Variants in ZNF280D observed in about 807,000 individuals in gnomAD.
ZNF280D encodes the protein zinc finger protein 280D.
ZNF280D carries 39 observed loss-of-function variants against 94.7 expected under a neutral mutation model. That is an observed-to-expected ratio of 0.41 (90% CI 0.32 to 0.54). The LOEUF is 0.54. Ranked by LOEUF, ZNF280D falls within the 20% of genes least tolerant of loss-of-function variation. The probability of loss-of-function intolerance (pLI) is 0.22; values close to 1 mark genes in which losing one functional copy is unlikely to be tolerated. For missense variants in ZNF280D, 1,090 were observed against 1,149.3 expected, an observed-to-expected ratio of 0.95 and a Z score of 0.75; for synonymous variants, 398 against 377.6, an observed-to-expected ratio of 1.05 and a Z score of -0.63.
intron 1 of ZNF280D, among the ~76,000 whole-genome samples, chr15:56,712,172 A>G (rs946509859): frequency 1.3e-5 from 2 of 152,202 alleles, no homozygotes; most frequent in Non-Finnish European, 2.9e-5. Context: ...CTTTTTAAAA[A>G]AGCATTTCTA....
intron 12 of ZNF280D, 133 bp downstream of exon 12, chr15:56,677,441 A>C: frequency 3.4e-6 from 2 of 583,460 alleles, no homozygotes; most frequent in South Asian, 1.7e-5. Context: ...CTTGCTGCCT[A>C]TCCCTCATAT....
chr15:56,647,419 T>A (rs551784835), intron 19 of ZNF280D, among the ~76,000 whole-genome samples: 45 of 152,114 alleles, frequency 3.0e-4, no homozygotes, highest in Non-Finnish European at 5.1e-4. Flanking sequence ...ATAAATTCAG[T>A]TTTGGACATA....
In ZNF280D at chr15:56,631,671, G is replaced by C; in HGVS notation, c.2767C>G (p.Pro923Ala). The change falls in exon 22 of 22, where the codon CCA (proline) becomes GCA (alanine). Residue 923 changes from proline (P) to alanine (A), a missense_variant. This residue lies in a region of ZNF280D where 577 missense variants were observed against 568.8 expected (regional missense o/e 1.01). Coordinates refer to ENST00000267807, the MANE Select transcript of ZNF280D (RefSeq NM_017661.4). Reference protein sequence around the residue: ...QGSIHLEPLTPSEVLEYEATE... With the variant: ...QGSIHLEPLTASEVLEYEATE... The stretch of plus-strand genomic sequence containing the variant: ...GCTTCATACTCAAGTACCTCGGATG[G>C]AGTCAGAGGTTCCAAATGAATACTG... 5 of 1,614,094 alleles carry C rather than the reference G, an allele frequency of 3.1e-6. No individual in the cohort carries two copies. Among genetic ancestry groups the C allele is most frequent in the South Asian group, 2.2e-5 (2 of 91,076 alleles).
At chr15:56,726,239 G>C (rs2141468154) in intron 1 of ZNF280D, among the ~76,000 whole-genome samples, 1 of 151,872 alleles carries the variant, frequency 6.6e-6, no homozygotes, top group Non-Finnish European at 1.5e-5. Flanking sequence ...TATGGAAGTA[G>C]AAGAGGCAGG....
chr15:56,688,239 T>A (rs2056166446), intron 9 of ZNF280D, among the ~76,000 whole-genome samples: 1 of 152,104 alleles, frequency 6.6e-6, no homozygotes, highest in Non-Finnish European at 1.5e-5. Context: ...AATTCTGTAA[T>A]CCCAGCACTT....
At chr15:56,707,939 A>T (rs2057515203) in intron 1 of ZNF280D, among the ~76,000 whole-genome samples, 2 of 152,016 alleles carry the variant, frequency 1.3e-5, no homozygotes, top group African/African-American at 4.8e-5. Flanking sequence ...CTGTTAGAAT[A>T]AACATTTTTT....
rs767737203 is a variant in ZNF280D, at chr15:56,676,765, T to C, written c.1315A>G (p.Thr439Ala). The change falls in exon 13 of 22, where the codon ACA becomes GCA. Residue 439 changes from threonine to alanine, a missense_variant. Physicochemically the swap from Thr to Ala is moderately conservative, Grantham distance 58. Coordinates refer to ENST00000267807, the MANE Select transcript of ZNF280D (RefSeq NM_017661.4). ...AAGTTCTTAGTGTTTTCATGGGATG[T>C]TCTAAAATGAGTTTCTACATCAGAA... ...SFSDVETHFR[T>A]SHENTKNLLC... 213 of 1,609,336 alleles carry C rather than the reference T, an allele frequency of 1.3e-4. No homozygotes were observed. The highest frequency in any genetic ancestry group is 1.7e-4 in the Non-Finnish European group (196 of 1,177,304).
chr15:56,700,228 C>T, intron 6 of ZNF280D: 3 of 942,296 alleles, frequency 3.2e-6, no homozygotes, highest in Non-Finnish European at 3.8e-6. Flanking sequence ...TACATATAAA[C>T]TATGGGTTAG....
At chr15:56,671,138 G>A (rs1465967742) in intron 13 of ZNF280D, among the ~76,000 whole-genome samples, 2 of 152,018 alleles carry the variant, frequency 1.3e-5, no homozygotes, top group Non-Finnish European at 2.9e-5. Context: ...TGCTTACTTT[G>A]TTGACAGTTT....
At chr15:56,647,787 T>G (rs992753099) in intron 19 of ZNF280D, among the ~76,000 whole-genome samples, 5 of 152,178 alleles carry the variant, frequency 3.3e-5, no homozygotes, top group Non-Finnish European at 1.5e-5. Flanking sequence ...TGTCTTGGCC[T>G]CCCAAAGTGC....
intron 1 of ZNF280D, among the ~76,000 whole-genome samples, chr15:56,722,509 C>T (rs1451219263): frequency 6.6e-6 from 1 of 152,144 alleles, no homozygotes; most frequent in African/African-American, 2.4e-5. Context: ...GCAGGAACAA[C>T]CCAAATGTTC....
intron 19 of ZNF280D, among the ~76,000 whole-genome samples, chr15:56,650,934 C>G (rs994619348): frequency 1.3e-5 from 2 of 152,184 alleles, no homozygotes; most frequent in Admixed American, 1.3e-4. Flanking sequence ...AAAATGGCAG[C>G]CTTCCAACAC....
chr15:56,672,763 G>T (rs1419078111), intron 13 of ZNF280D, among the ~76,000 whole-genome samples: 3 of 151,980 alleles, frequency 2.0e-5, no homozygotes, highest in African/African-American at 4.8e-5. Flanking sequence ...CATACAGCAA[G>T]CACTTCATAA....
intron 9 of ZNF280D, among the ~76,000 whole-genome samples, chr15:56,683,060 T>C (rs1414303877): frequency 1.3e-5 from 2 of 152,130 alleles, no homozygotes; most frequent in Non-Finnish European, 2.9e-5. Context: ...AAAATAGCTA[T>C]AAATTATGAT....
chr15:56,633,750 A>G (rs1372409481), intron 21 of ZNF280D, among the ~76,000 whole-genome samples: 1 of 152,158 alleles, frequency 6.6e-6, no homozygotes, highest in Non-Finnish European at 1.5e-5. Flanking sequence ...CGGCCTCCCA[A>G]AGTGCTGGGA....
chr15:56,724,803 C>G, intron 1 of ZNF280D: 1 of 426,842 alleles, frequency 2.3e-6, no homozygotes, highest in South Asian at 1.7e-5. Flanking sequence ...TGAACAGACA[C>G]TACAATGTAG....
chr15:56,675,218 A>G (rs985182767), intron 13 of ZNF280D, among the ~76,000 whole-genome samples: 2 of 152,084 alleles, frequency 1.3e-5, no homozygotes, highest in East Asian at 3.9e-4. Flanking sequence ...AATCTCTACC[A>G]TAGTTACTAT....
At chr15:56,710,067 A>G (rs542529192) in intron 1 of ZNF280D, among the ~76,000 whole-genome samples, 2 of 152,358 alleles carry the variant, frequency 1.3e-5, no homozygotes, top group Non-Finnish European at 2.9e-5. Context: ...AAGATGTTCA[A>G]TGGAGACATC....
chr15:56,726,350 A>T (rs1376028623), intron 1 of ZNF280D, among the ~76,000 whole-genome samples: 1 of 152,160 alleles, frequency 6.6e-6, no homozygotes, highest in East Asian at 1.9e-4. Context: ...CTAGTTTTTT[A>T]CTTTCTTTCT....
Sources: gnomAD v4.1 joint callset for allele counts (sites outside exome capture counted in the v4.1 genomes callset) on GRCh38, gnomAD v4.1.1 for gene constraint, gnomAD v4.1.1 regional missense constraint, MANE v1.5 for transcripts, NCBI Gene and HGNC (gene_info 2026-07-23, HGNC 2026-07-21) for gene names.